GSE1: variants seen among roughly 807,000 people sequenced by gnomAD.
The protein encoded by GSE1 is Gse1 coiled-coil protein.
GSE1 carries 32 observed loss-of-function variants against 112.6 expected under a neutral mutation model. That is an observed-to-expected ratio of 0.28 (90% confidence interval 0.21 to 0.38). The LOEUF (loss-of-function observed/expected upper bound fraction) is 0.38, where lower values mean the gene tolerates loss of function less well. GSE1 is among the 10% of genes least tolerant of loss of function. The pLI, the probability that GSE1 is intolerant of heterozygous loss-of-function variation, is 1.00. For synonymous variants in GSE1, 1,115 were observed against 735.6 expected (o/e 1.52, Z -8.35); for missense variants, 2,348 against 1,699.2 (o/e 1.38, Z -6.71).
intron 1 of GSE1, among the ~76,000 whole-genome samples, chr16:85,272,491 G>C (rs904228050): frequency 6.6e-6 from 1 of 152,132 alleles, no homozygotes; most frequent in African/African-American, 2.4e-5. Flanking sequence ...GTCACCCTTC[G>C]GCCATAGGTG....
At chr16:85,330,543 G>A (rs1004624390) in intron 1 of GSE1, among the ~76,000 whole-genome samples, 1 of 152,214 alleles carries the variant, frequency 6.6e-6, no homozygotes, top group Non-Finnish European at 1.5e-5. Context: ...ACAGCCCCTC[G>A]CAGCAGGCGC....
At chr16:85,292,741 T>C (rs942976748) in intron 1 of GSE1, among the ~76,000 whole-genome samples, 2 of 152,142 alleles carry the variant, frequency 1.3e-5, no homozygotes, top group Non-Finnish European at 2.9e-5. Context: ...ATTACAGGTG[T>C]GAGCCACTGC....
intron 1 of GSE1, among the ~76,000 whole-genome samples, chr16:85,294,292 T>A (rs1421812299): frequency 1.3e-5 from 2 of 152,210 alleles, no homozygotes; most frequent in Admixed American, 6.5e-5. Flanking sequence ...TTGTTTTGCC[T>A]GTTGGTAAAC....
chr16:85,342,223 A>G (rs1162315945), intron 1 of GSE1, among the ~76,000 whole-genome samples: 2 of 152,192 alleles, frequency 1.3e-5, no homozygotes, highest in African/African-American at 2.4e-5. Flanking sequence ...CTCACACTGT[A>G]GCCAGTGCAT....
Position 85,672,856 on chromosome 16 carries a change from C to G in GSE1, c.*317C>G, listed in dbSNP as rs1047864519. 4.1e-5 allele frequency: 8 copies of G among 193,632 alleles called. No homozygotes were observed. Among genetic ancestry groups the G allele is most frequent in the African/African-American group, 1.6e-4 (7 of 42,910 alleles). The allele number at this position is 193,632 out of a possible 1,614,324, so 12.0% of individuals were successfully genotyped here. Reference sequence around the variant, plus strand: ...GAAGGCTCCATTAGCAACACTAAAACTTGATCATTAACAGCCCCCTGTGCA... The same window carrying G: ...GAAGGCTCCATTAGCAACACTAAAAGTTGATCATTAACAGCCCCCTGTGCA... On this transcript the variant is annotated 3_prime_UTR_variant, in exon 16 of 16. Transcript: ENST00000253458.
intron 1 of GSE1, among the ~76,000 whole-genome samples, chr16:85,327,578 G>A (rs2046251838): frequency 6.6e-6 from 1 of 152,154 alleles, no homozygotes; most frequent in South Asian, 2.1e-4. Flanking sequence ...ACTCCAGCCT[G>A]GGCAACAGAG....
At chr16:85,555,426 GA>G (rs973117722), upstream of GSE1, 1 of 970,346 alleles carries the variant, frequency 1.0e-6, no homozygotes, top group Non-Finnish European at 1.2e-6. Flanking sequence ...GCGAGAGGGG[GA>G]GGGGAGCCGG....
At position 85,396,972 on chromosome 16, in the gene GSE1, C is replaced by CAG. The variant is rs751346230; in HGVS notation, c.2464+39340_2464+39341dup. Reference sequence around the variant, plus strand: ...CAGGCAGAGAACAGAGTGACAGGTCCAGAGAGAGAGAGCAAACGTGAAAAG... The same window carrying CAG: ...CAGGCAGAGAACAGAGTGACAGGTCCAGAGAGAGAGAGAGCAAACGTGAAAAG... On this transcript the variant is annotated intron_variant, in intron 2 of 2. Transcript: ENST00000637419. 3.3e-5 allele frequency among the ~76,000 whole-genome samples: 5 copies of CAG among 151,988 alleles called. No homozygotes were observed. The South Asian group carries it at 8.3e-4, about 25-fold the overall frequency.
At chr16:85,335,383 G>A (rs1036383961) in intron 1 of GSE1, among the ~76,000 whole-genome samples, 1 of 152,262 alleles carries the variant, frequency 6.6e-6, no homozygotes, top group Admixed American at 6.5e-5. Context: ...AGTTCAGTCG[G>A]CTTTTTAATC....
In GSE1 at chr16:85,654,444, C is replaced by A; in HGVS notation, c.593C>A (p.Pro198Gln). 1 of 1,567,454 alleles carries A rather than the reference C, an allele frequency of 6.4e-7. No homozygotes were observed. The change falls in exon 4 of 16, where the codon CCA becomes CAA. Residue 198 changes from proline to glutamine, a missense_variant. Pro to Gln is a moderately conservative substitution (Grantham distance 76, BLOSUM62 -1). Coordinates refer to ENST00000253458, the MANE Select transcript of GSE1 (RefSeq NM_014615.5). ...SSVVQDSRFP[P>Q]LNLQRPVHHV... ...GTTGTGCAGGATTCCCGCTTCCCGCCACTCAAGTAAGTTGGTCGGCGGGGA... is the reference window on the plus strand; with the variant it reads ...GTTGTGCAGGATTCCCGCTTCCCGCAACTCAAGTAAGTTGGTCGGCGGGGA...
chr16:85,659,456 C>T (rs893531069), intron 8 of GSE1: 1 of 152,264 alleles, frequency 6.6e-6, no homozygotes, highest in African/African-American at 2.4e-5. Context: ...CCCGGGAGTT[C>T]TCGGCTGTAG....
intron 1 of GSE1, among the ~76,000 whole-genome samples, chr16:85,303,110 C>T (rs1337076279): frequency 6.6e-6 from 1 of 152,192 alleles, no homozygotes; most frequent in Non-Finnish European, 1.5e-5. Context: ...AGCGAGGAAA[C>T]GGGTTTAGTG....
intron 2 of GSE1, among the ~76,000 whole-genome samples, chr16:85,440,095 C>T (rs1024533927): frequency 3.3e-5 from 5 of 152,266 alleles, no homozygotes; most frequent in African/African-American, 9.6e-5. Context: ...TCTTGTTCTC[C>T]ACAGTGTCTC....
chr16:85,655,466 G>A (rs533219404), intron 5 of GSE1, among the ~76,000 whole-genome samples: 1 of 152,314 alleles, frequency 6.6e-6, no homozygotes, highest in South Asian at 2.1e-4. Context: ...GGGCCTGGGC[G>A]CTTGACCACT....
intron 1 of GSE1, among the ~76,000 whole-genome samples, chr16:85,208,314 G>A (rs1374019456): frequency 1.3e-5 from 2 of 152,164 alleles, no homozygotes; most frequent in Non-Finnish European, 2.9e-5. Flanking sequence ...AATCATCAGT[G>A]CTCCCTGAAC....
intron 1 of GSE1, among the ~76,000 whole-genome samples, chr16:85,565,106 A>C (rs1309797496): frequency 1.3e-5 from 2 of 152,088 alleles, no homozygotes; most frequent in East Asian, 3.9e-4. Context: ...AAAGCGACCA[A>C]CTTGGCCGGG....
intron 1 of GSE1, among the ~76,000 whole-genome samples, chr16:85,276,494 G>T (rs1909376815): frequency 6.6e-6 from 1 of 152,220 alleles, no homozygotes; most frequent in African/African-American, 2.4e-5. Context: ...TGAATGAAAT[G>T]AATGGAATCG....
At chr16:85,605,117 T>G (rs900886313) in intron 1 of GSE1, among the ~76,000 whole-genome samples, 3 of 151,670 alleles carry the variant, frequency 2.0e-5, no homozygotes, top group Admixed American at 6.6e-5. Context: ...GCGCCTGGTC[T>G]GCTATCAGTA....
chr16:85,354,692 T>A (rs1473356586), intron 1 of GSE1, among the ~76,000 whole-genome samples: 1 of 152,228 alleles, frequency 6.6e-6, no homozygotes, highest in Admixed American at 6.5e-5. Context: ...GGGGCTTGAA[T>A]GCAGATGCGG....
Sources: allele counts gnomAD v4.1 joint callset (sites outside exome capture counted in the v4.1 genomes callset), GRCh38; gene constraint gnomAD v4.1.1; transcripts MANE v1.5; gene names NCBI Gene and HGNC (gene_info 2026-07-23, HGNC 2026-07-21).